The following CDK6 variants were observed in gnomAD, a reference collection of about 807,000 sequenced individuals.
The protein encoded by CDK6 is cyclin-dependent kinase 6.
CDK6 carries 6 observed loss-of-function variants against 37.1 expected under a neutral mutation model. The ratio of observed to expected loss-of-function variants is 0.16; its 90% CI spans 0.09 to 0.32. CDK6 has a LOEUF of 0.32. Among genes scored for constraint, CDK6 ranks in the 10% least tolerant of loss-of-function variants. CDK6 has a pLI of 1.00. For missense variants in CDK6, 224 were observed against 418.9 expected (o/e 0.53, Z 4.06); for synonymous variants, 160 against 161.3 (o/e 0.99, Z 0.06).
intron 4 of CDK6, among the ~76,000 whole-genome samples, chr7:92,689,387 G>A (rs1342436608): frequency 1.3e-5 from 2 of 152,156 alleles, no homozygotes; most frequent in African/African-American, 2.4e-5. Flanking sequence ...TAAGGGTAAT[G>A]GCCTCCAGCT....
chr7:92,620,651 T>C (rs1289852117), intron 6 of CDK6, among the ~76,000 whole-genome samples: 1 of 152,178 alleles, frequency 6.6e-6, no homozygotes, highest in African/African-American at 2.4e-5. Context: ...GGGGTGGCTG[T>C]AATCCCAGCA....
In CDK6 at chr7:92,629,085, C is replaced by A. The variant is rs368870450; in HGVS notation, c.648-5999G>T. ...TGGTGGGAAAGAGCACGGAAAAAAA[C>A]AATTTAAAGCCCAAGTAATGACAAG... is the stretch of plus-strand genomic sequence containing the variant. On this transcript the variant is annotated intron_variant, in intron 5 of 7. Coordinates refer to ENST00000424848, the MANE Select transcript of CDK6 (RefSeq NM_001145306.2). 2.6e-4 allele frequency among the ~76,000 whole-genome samples: 40 copies of A among 152,074 alleles called. 1 individual carries two copies. The East Asian group carries it at 7.2e-3, about 27-fold the overall frequency.
chr7:92,743,422 A>G (rs1283628386), intron 3 of CDK6, among the ~76,000 whole-genome samples: 2 of 150,562 alleles, frequency 1.3e-5, no homozygotes, highest in African/African-American at 4.8e-5. Flanking sequence ...AAAAATAATA[A>G]TAAAAAAAGA....
rs528165979 is a variant in CDK6 at position 92,728,111 on chromosome 7, C to T, written c.370-2318G>A. Among the ~76,000 whole-genome samples, 335 of 152,186 alleles carry T rather than the reference C, an allele frequency of 2.2e-3. 1 individual carries two copies. Among genetic ancestry groups the T allele is most frequent in the South Asian group, 4.6e-3 (22 of 4,820 alleles). ...TATACAAATTTAAAAACATGCACAT[C>T]GTTTTTATTTGTGTTATAACACACA... On this transcript the variant is annotated intron_variant, in intron 3 of 7. Coordinates refer to ENST00000424848, the MANE Select transcript of CDK6 (RefSeq NM_001145306.2).
At chr7:92,791,900 GA>G (rs1295093853) in intron 2 of CDK6, among the ~76,000 whole-genome samples, 1 of 152,138 alleles carries the variant, frequency 6.6e-6, no homozygotes, top group Non-Finnish European at 1.5e-5. Flanking sequence ...AGAAGAGCTG[GA>G]AAAGTACACA....
intron 5 of CDK6, among the ~76,000 whole-genome samples, chr7:92,671,003 T>C (rs1797060103): frequency 2.0e-5 from 3 of 152,234 alleles, no homozygotes; most frequent in South Asian, 2.1e-4. Context: ...AGCCTAAATA[T>C]TGTTTTTTTC....
At chr7:92,642,795 G>C (rs925964016) in intron 5 of CDK6, among the ~76,000 whole-genome samples, 2 of 152,064 alleles carry the variant, frequency 1.3e-5, no homozygotes. Flanking sequence ...GAGACAACTA[G>C]ATGCTCCAAA....
chr7:92,816,109 A>G (rs1397559643), intron 2 of CDK6, among the ~76,000 whole-genome samples: 1 of 152,190 alleles, frequency 6.6e-6, no homozygotes, highest in African/African-American at 2.4e-5. Flanking sequence ...TTCTCTTTAA[A>G]GGAGTAGAAC....
intron 4 of CDK6, among the ~76,000 whole-genome samples, chr7:92,695,225 GA>G (rs1465103559): frequency 4.7e-5 from 7 of 150,284 alleles, no homozygotes; most frequent in Non-Finnish European, 8.9e-5. Flanking sequence ...AAATTAGGGG[GA>G]AAAAGTCTCA....
At chr7:92,821,442 C>A (rs149928849) in intron 2 of CDK6, among the ~76,000 whole-genome samples, 133 of 152,040 alleles carry the variant, frequency 8.7e-4, no homozygotes, top group African/African-American at 3.1e-3. Flanking sequence ...GTTTTAAGCC[C>A]CTACATGTTG....
At chr7:92,633,773 T>C (rs536048266) in intron 5 of CDK6, among the ~76,000 whole-genome samples, 87 of 152,280 alleles carry the variant, frequency 5.7e-4, no homozygotes, top group African/African-American at 2.0e-3. Context: ...AATATGTGAA[T>C]GGAAAATAAG....
Position 92,835,391 on chromosome 7 carries a change from GCTCTCCCCCCA to G in CDK6, c.-368+1076_-368+1086del, listed in dbSNP as rs1358336605. 2 of 151,820 alleles carry G rather than the reference GCTCTCCCCCCA, an allele frequency of 1.3e-5. No individual in the cohort carries two copies. The highest frequency in any genetic ancestry group is 2.4e-5 in the African/African-American group (1 of 41,242). 9.4% of individuals were successfully genotyped at this position (151,820 alleles called of 1,614,324 possible). A position where few individuals can be genotyped will look rare whatever the true frequency, so the allele number is the denominator to read the frequency against. On this transcript the variant is annotated intron_variant, in intron 1 of 7. Transcript: ENST00000424848. The surrounding 1 kb of genome is among the most constrained non-coding windows in gnomAD (Gnocchi z 4.2). ...CCCCGCCGGGCCCCGCACTGCCCTG[GCTCTCCCCCCA>G]CTCGCCCCCCAGACGGTCGGCTTCG...
chr7:92,801,898 C>G lies in CDK6; in HGVS notation c.234-27067G>C, dbSNP rs190322628. 4.6e-3 allele frequency among the ~76,000 whole-genome samples: 697 copies of G among 152,038 alleles called. 5 individuals are homozygous for G. Among genetic ancestry groups the G allele is most frequent in the Non-Finnish European group, 5.0e-3 (343 of 67,960 alleles). On this transcript the variant is annotated intron_variant, in intron 2 of 7. Coordinates refer to ENST00000424848, the MANE Select transcript of CDK6 (RefSeq NM_001145306.2). ...TAGCTTTCCAAAAGTGCTGAGATTA[C>G]AGGTGTGAGCTGCTGCGCCACCCCG...
intron 2 of CDK6, among the ~76,000 whole-genome samples, chr7:92,819,427 G>A (rs1801114717): frequency 6.6e-6 from 1 of 151,994 alleles, no homozygotes; most frequent in Admixed American, 6.6e-5. Flanking sequence ...GGGATAATGC[G>A]AGTATTTTAG....
At chr7:92,694,249 T>C (rs542511174) in intron 4 of CDK6, among the ~76,000 whole-genome samples, 25 of 152,202 alleles carry the variant, frequency 1.6e-4, no homozygotes, top group Non-Finnish European at 3.5e-4. Flanking sequence ...TGCAAAAAAG[T>C]AATTTTATAT....
intron 3 of CDK6, among the ~76,000 whole-genome samples, chr7:92,765,232 G>A (rs973378637): frequency 3.3e-5 from 5 of 151,972 alleles, no homozygotes; most frequent in African/African-American, 1.2e-4. Flanking sequence ...ACATCCATCC[G>A]TCTCTTCACT....
rs1397444190 is a variant in CDK6 at position 92,835,933 on chromosome 7, A to T, written c.-368+545T>A. Among the ~76,000 whole-genome samples the T allele has an allele frequency of 6.6e-6, 1 of 152,246 alleles. No homozygotes were observed. Among genetic ancestry groups the T allele is most frequent in the Non-Finnish European group, 1.5e-5 (1 of 68,034 alleles). ...GCCGGCTGCGTGCACTTTTCTGTGTATAACACGCCCGCAGGAAGCCTGCGT... is the reference window on the plus strand; with the variant it reads ...GCCGGCTGCGTGCACTTTTCTGTGTTTAACACGCCCGCAGGAAGCCTGCGT... On this transcript the variant is annotated intron_variant, in intron 1 of 7. Coordinates refer to ENST00000424848, the MANE Select transcript of CDK6 (RefSeq NM_001145306.2). This position sits in a 1 kb window ranked among gnomAD's most constrained non-coding sequence, Gnocchi z 4.2.
intron 5 of CDK6, among the ~76,000 whole-genome samples, chr7:92,636,726 C>T (rs756668060): frequency 9.2e-5 from 14 of 152,122 alleles, no homozygotes; most frequent in South Asian, 2.1e-4. Context: ...AGTGCAGTGG[C>T]GCAATCTTGG....
chr7:92,772,363 A>G (rs1429015695), intron 3 of CDK6, among the ~76,000 whole-genome samples: 1 of 152,080 alleles, frequency 6.6e-6, no homozygotes, highest in Non-Finnish European at 1.5e-5. Context: ...AACATTAGCC[A>G]CAAACCTTCA....
Sources: gnomAD v4.1 joint callset for allele counts (sites outside exome capture counted in the v4.1 genomes callset) on GRCh38, gnomAD v4.1.1 for gene constraint, Gnocchi (gnomAD v3.1) non-coding constraint, MANE v1.5 for transcripts, NCBI Gene and HGNC (gene_info 2026-07-23, HGNC 2026-07-21) for gene names.